The following ARID2 variants were observed in gnomAD, a reference collection of about 807,000 sequenced individuals.
The protein encoded by ARID2 is AT-rich interactive domain-containing protein 2.
ARID2 carries 32 observed loss-of-function variants against 184.6 expected under a neutral mutation model. The ratio of observed to expected loss-of-function variants is 0.17; its 90% CI spans 0.13 to 0.23. ARID2 has a LOEUF of 0.23. Among genes scored for constraint, ARID2 ranks in the 10% least tolerant of loss-of-function variants. The pLI is 1.00. For missense variants in ARID2, 1,696 were observed against 2,197.6 expected (o/e 0.77, Z 4.56); for synonymous variants, 836 against 772.6 (o/e 1.08, Z -1.36).
chr12:45,808,699 T>A (rs983445175), intron 3 of ARID2, among the ~76,000 whole-genome samples: 1 of 151,990 alleles, frequency 6.6e-6, no homozygotes, highest in African/African-American at 2.4e-5. Context: ...AATGTTGCTT[T>A]CTCTCCCGGC....
At chr12:45,746,476 G>A (rs1198091317) in intron 3 of ARID2, among the ~76,000 whole-genome samples, 5 of 150,366 alleles carry the variant, frequency 3.3e-5, no homozygotes, top group Non-Finnish European at 7.4e-5. Flanking sequence ...AACAGTCAAT[G>A]TAACATATGC....
chr12:45,866,607 T>C (rs1943835093), intron 16 of ARID2, among the ~76,000 whole-genome samples: 1 of 152,232 alleles, frequency 6.6e-6, no homozygotes. Context: ...ACCTGGCTAC[T>C]CAAAACTGAG....
intron 3 of ARID2, among the ~76,000 whole-genome samples, chr12:45,751,021 C>T (rs1175155920): frequency 6.6e-6 from 1 of 152,136 alleles, no homozygotes; most frequent in East Asian, 1.9e-4. Context: ...TTGTGCTAGA[C>T]TCTATGCACT....
At chr12:45,813,575 T>G (rs984663826) in intron 4 of ARID2, among the ~76,000 whole-genome samples, 2 of 152,070 alleles carry the variant, frequency 1.3e-5, no homozygotes, top group Admixed American at 1.3e-4. Context: ...CATACAGCCT[T>G]ATTCCCCTTG....
intron 3 of ARID2, among the ~76,000 whole-genome samples, chr12:45,805,668 G>A (rs1942586474): frequency 6.6e-6 from 1 of 152,044 alleles, no homozygotes; most frequent in African/African-American, 2.4e-5. Context: ...ATTTTAAGGT[G>A]TACAACATGA....
In ARID2 at chr12:45,902,507, A is replaced by C. The variant is rs372157249; in HGVS notation, c.5364-2427A>C. Among the ~76,000 whole-genome samples the C allele has an allele frequency of 5.3e-5, 8 of 151,822 alleles. No individual in the cohort carries two copies. The East Asian group carries it at 1.5e-3, about 29-fold the overall frequency. On this transcript the variant is annotated intron_variant, in intron 20 of 20. Coordinates refer to ENST00000334344, the MANE Select transcript of ARID2 (RefSeq NM_152641.4). ...TTGATTGTGGGGAAAAACTGATTGT[A>C]CTTTGTAAAGTTATTTTTATTTTGT...
rs1410100653 is a variant in ARID2, at chr12:45,766,553, A to G, written c.284+35239A>G. On this transcript the variant is annotated intron_variant, in intron 3 of 20. Transcript: ENST00000334344. Reference sequence around the variant, plus strand: ...TTTTGAGACAGAATCTTGCTCTGTCACCCTGGCTGGAGTGCAGTGGCGCAA... The same window carrying G: ...TTTTGAGACAGAATCTTGCTCTGTCGCCCTGGCTGGAGTGCAGTGGCGCAA... 2.0e-5 allele frequency among the ~76,000 whole-genome samples: 3 copies of G among 150,778 alleles called. No individual in the cohort carries two copies. The East Asian group carries it at 6.0e-4, about 30-fold the overall frequency.
At chr12:45,826,202 G>A (rs1026204226) in intron 6 of ARID2, among the ~76,000 whole-genome samples, 5 of 151,986 alleles carry the variant, frequency 3.3e-5, no homozygotes, top group East Asian at 1.9e-4. Flanking sequence ...AACACTTTAC[G>A]TAGTTCTCTT....
intron 3 of ARID2, among the ~76,000 whole-genome samples, 183 bp downstream of exon 3, chr12:45,731,497 A>G (rs1256478933): frequency 6.6e-6 from 1 of 152,198 alleles, no homozygotes; most frequent in African/African-American, 2.4e-5. Flanking sequence ...CTTCCTCACC[A>G]ATTTCAGGAT....
intron 3 of ARID2, among the ~76,000 whole-genome samples, chr12:45,770,630 C>T (rs764013440): frequency 1.3e-5 from 2 of 152,154 alleles, no homozygotes; most frequent in East Asian, 1.9e-4. Context: ...AGAGAGGACA[C>T]GGAAGTGGTC....
Position 45,856,067 on chromosome 12 carries a change from CTTTTTTTTTTT to C in ARID2, c.4773+3186_4773+3196del, listed in dbSNP as rs930473740. 3.1e-3 allele frequency among the ~76,000 whole-genome samples: 231 copies of C among 74,628 alleles called. 1 individual carries two copies. Among genetic ancestry groups the C allele is most frequent in the African/African-American group, 0.01 (204 of 20,292 alleles). 49.0% of individuals were successfully genotyped at this position (74,628 alleles called of 152,430 possible). On this transcript the variant is annotated intron_variant, in intron 15 of 20. Coordinates refer to ENST00000334344, the MANE Select transcript of ARID2 (RefSeq NM_152641.4). ...ATGTACTCTTTTTCTTTCTTCTTTT[CTTTTTTTTTTT>C]TTTTTTTTTTTTTTGAGACACAGTC...
At chr12:45,869,213 C>T (rs1943878771) in intron 16 of ARID2, among the ~76,000 whole-genome samples, 1 of 152,038 alleles carries the variant, frequency 6.6e-6, no homozygotes, top group Admixed American at 6.6e-5. Context: ...GACAGGGTTT[C>T]ACCATATTGG....
intron 3 of ARID2, among the ~76,000 whole-genome samples, chr12:45,781,761 C>G (rs1293353041): frequency 6.6e-6 from 1 of 152,124 alleles, no homozygotes; most frequent in Admixed American, 6.5e-5. Flanking sequence ...ATTTGTGAAT[C>G]TGACAAAAGC....
intron 3 of ARID2, among the ~76,000 whole-genome samples, chr12:45,772,612 C>CA (rs1293804563): frequency 1.3e-5 from 2 of 151,818 alleles, no homozygotes; most frequent in Admixed American, 1.3e-4. Context: ...TAATATCAGG[C>CA]AAAATAGATT....
chr12:45,739,001 T>C (rs1941189412), intron 3 of ARID2, among the ~76,000 whole-genome samples: 1 of 151,682 alleles, frequency 6.6e-6, no homozygotes, highest in Non-Finnish European at 1.5e-5. Flanking sequence ...ACAGTTTCGC[T>C]CTTGTTACCC....
At chr12:45,791,387 A>C (rs974702928) in intron 3 of ARID2, among the ~76,000 whole-genome samples, 1 of 152,200 alleles carries the variant, frequency 6.6e-6, no homozygotes, top group Admixed American at 6.5e-5. Context: ...TGTTAGGCCA[A>C]CCTTAAATCC....
At position 45,849,631 on chromosome 12, in the gene ARID2, T is replaced by C. The variant is rs757095077; in HGVS notation, c.1767T>C (p.Asn589=). 4 of 1,613,572 alleles carry C rather than the reference T, an allele frequency of 2.5e-6. No homozygotes were observed. Among genetic ancestry groups the C allele is most frequent in the Admixed American group, 1.7e-5 (1 of 60,002 alleles). Residue 589 remains asparagine (N), a synonymous_variant, in exon 14 of 21, where the codon AAT becomes AAC. Coordinates refer to ENST00000334344, the MANE Select transcript of ARID2 (RefSeq NM_152641.4). ...TVKRVEDSSS[N]GQAHIHVVGV... ...AGAGAGTGGAGGATTCCAGTAGCAATGGGCAGGCACATATTCATGTGGTAG... is the reference window on the plus strand; with the variant it reads ...AGAGAGTGGAGGATTCCAGTAGCAACGGGCAGGCACATATTCATGTGGTAG...
chr12:45,849,492 A>T, intron 13 of ARID2, 88 bp from the exon 14 acceptor site: 1 of 1,068,198 alleles, frequency 9.4e-7, no homozygotes, highest in Non-Finnish European at 1.4e-6. Flanking sequence ...AAGCAACAGT[A>T]AACATACTGC....
intron 15 of ARID2, 88 bp from the exon 16 acceptor site, chr12:45,860,711 AAC>A (rs1440916897): frequency 1.7e-6 from 2 of 1,145,722 alleles, no homozygotes; most frequent in Non-Finnish European, 2.2e-6. Flanking sequence ...AGAAATGTAT[AAC>A]AACATAATCA....
Sources: allele counts gnomAD v4.1 joint callset (sites outside exome capture counted in the v4.1 genomes callset), GRCh38; gene constraint gnomAD v4.1.1; transcripts MANE v1.5; gene names NCBI Gene and HGNC (gene_info 2026-07-23, HGNC 2026-07-21).